Variants in CADM2 observed in about 807,000 individuals in gnomAD.
The protein encoded by CADM2 is cell adhesion molecule 2, also known as immunoglobulin superfamily member 4D.
Under a neutral mutation model 49.8 loss-of-function variants are expected in CADM2, and 12 were observed. The ratio of observed to expected loss-of-function variants is 0.24; its 90% CI spans 0.15 to 0.39. CADM2 has a LOEUF of 0.39. CADM2 is among the 10% of genes least tolerant of loss of function. The pLI is 1.00. For missense variants in CADM2, 378 were observed against 492.3 expected (o/e 0.77, Z 2.20); for synonymous variants, 214 against 175.4 (o/e 1.22, Z -1.74).
chr3:85,834,598 T>C (rs2074324169), intron 3 of CADM2, among the ~76,000 whole-genome samples: 1 of 151,654 alleles, frequency 6.6e-6, no homozygotes, highest in African/African-American at 2.4e-5. Flanking sequence ...CACTTGTTAG[T>C]CCCATAATTT....
rs142062861 is a variant in CADM2, at chr3:85,301,097, G to A, written c.61+341429G>A. On this transcript the variant is annotated intron_variant, in intron 1 of 9. Coordinates refer to ENST00000383699, the MANE Select transcript of CADM2 (RefSeq NM_001167675.2). Reference sequence around the variant, plus strand: ...TAAGCATCTACAATAAGATACAAACGACATTATATGCAAAGTGGATATGGA... The same window carrying A: ...TAAGCATCTACAATAAGATACAAACAACATTATATGCAAAGTGGATATGGA... Among the ~76,000 whole-genome samples, 751 of 152,072 alleles carry A rather than the reference G, an allele frequency of 4.9e-3. 11 individuals carry two copies. The highest frequency in any genetic ancestry group is 0.017 in the African/African-American group (693 of 41,514).
chr3:85,254,564 A>G (rs1442021937), intron 1 of CADM2, among the ~76,000 whole-genome samples: 2 of 152,072 alleles, frequency 1.3e-5, no homozygotes, highest in Non-Finnish European at 2.9e-5. Flanking sequence ...TTAGCCTACA[A>G]ACGACAATCT....
chr3:85,370,079 G>A (rs932604782), intron 1 of CADM2, among the ~76,000 whole-genome samples: 2 of 151,704 alleles, frequency 1.3e-5, no homozygotes, highest in Non-Finnish European at 2.9e-5. Flanking sequence ...TGAGAATAGT[G>A]GCAAGTGCCT....
chr3:85,859,224 C>CTTTTTTTTTTTTTT lies in CADM2; in HGVS notation c.239-24054_239-24041dup, dbSNP rs397990427. On this transcript the variant is annotated intron_variant, in intron 3 of 9. Transcript: ENST00000383699. ...TACCTTGTGCTTTTCTTTTTTTTGT[C>CTTTTTTTTTTTTTT]TTTTTTTTTTTTTTTTTTTTTTTTT... 2.3e-3 allele frequency among the ~76,000 whole-genome samples: 160 copies of CTTTTTTTTTTTTTT among 70,604 alleles called. 14 individuals are homozygous for CTTTTTTTTTTTTTT. Among genetic ancestry groups the CTTTTTTTTTTTTTT allele is most frequent in the Non-Finnish European group, 3.0e-3 (119 of 40,026 alleles). 46.3% of individuals were successfully genotyped at this position (70,604 alleles called of 152,430 possible). A position where few individuals can be genotyped will look rare whatever the true frequency, so the allele number is the denominator to read the frequency against.
At chr3:85,277,960 C>G (rs549596644) in intron 1 of CADM2, among the ~76,000 whole-genome samples, 12 of 151,288 alleles carry the variant, frequency 7.9e-5, no homozygotes, top group Admixed American at 2.0e-4. Context: ...TGACTGCTTT[C>G]TGACCACATG....
At chr3:85,716,959 G>A in intron 1 of CADM2, among the ~76,000 whole-genome samples, 1 of 152,048 alleles carries the variant, frequency 6.6e-6, no homozygotes, top group East Asian at 1.9e-4. Flanking sequence ...TTTTTGATTA[G>A]GATTGTCTTG....
chr3:85,718,997 CCA>C (rs1453269135), intron 1 of CADM2, among the ~76,000 whole-genome samples: 1 of 151,378 alleles, frequency 6.6e-6, no homozygotes, highest in African/African-American at 2.4e-5. Context: ...ACTGCAACCT[CCA>C]CTTTTCACAT....
At chr3:85,335,876 T>G (rs890890822) in intron 1 of CADM2, among the ~76,000 whole-genome samples, 1 of 151,378 alleles carries the variant, frequency 6.6e-6, no homozygotes, top group African/African-American at 2.4e-5. Context: ...ACTTTCTGTT[T>G]CCCTAGGCAG....
intron 1 of CADM2, among the ~76,000 whole-genome samples, chr3:85,122,481 A>G (rs187445691): frequency 2.1e-4 from 32 of 152,186 alleles, no homozygotes; most frequent in African/African-American, 7.7e-4. Context: ...TCACTTAAAT[A>G]TTAGGACTGC....
intron 1 of CADM2, among the ~76,000 whole-genome samples, chr3:85,115,780 C>T (rs765881713): frequency 6.6e-6 from 1 of 152,116 alleles, no homozygotes; most frequent in Non-Finnish European, 1.5e-5. Context: ...CTTTTCTTTT[C>T]ATATTAGACA....
At chr3:85,929,295 A>C (rs890268458) in intron 6 of CADM2, among the ~76,000 whole-genome samples, 1 of 152,110 alleles carries the variant, frequency 6.6e-6, no homozygotes, top group African/African-American at 2.4e-5. Context: ...TTTAAGTAAA[A>C]TTTGGTTTAG....
At chr3:85,793,623 A>G (rs535644083) in intron 2 of CADM2, among the ~76,000 whole-genome samples, 5 of 152,300 alleles carry the variant, frequency 3.3e-5, no homozygotes, top group Admixed American at 2.0e-4. Flanking sequence ...GTCACTGAGC[A>G]TGAATTGAGA....
chr3:85,823,436 T>C (rs2073715348), intron 3 of CADM2, among the ~76,000 whole-genome samples: 1 of 152,096 alleles, frequency 6.6e-6, no homozygotes, highest in Non-Finnish European at 1.5e-5. Context: ...CCAATCTACT[T>C]CTAGAAAACA....
chr3:85,233,868 C>T lies in CADM2; in HGVS notation c.61+274200C>T, dbSNP rs544757050. 1.6e-4 allele frequency among the ~76,000 whole-genome samples: 24 copies of T among 152,080 alleles called. No individual in the cohort carries two copies. The South Asian group carries it at 5.0e-3, about 32-fold the overall frequency. On this transcript the variant is annotated intron_variant, in intron 1 of 9. Coordinates refer to ENST00000383699, the MANE Select transcript of CADM2 (RefSeq NM_001167675.2). ...AAAAAAATAGTTCAAAGTATTGATTCATAGTAAAAATCTTTATCCACAAAA... is the reference window on the plus strand; with the variant it reads ...AAAAAAATAGTTCAAAGTATTGATTTATAGTAAAAATCTTTATCCACAAAA...
Position 85,644,154 on chromosome 3 carries a change from G to A in CADM2, c.62-82368G>A, listed in dbSNP as rs554362028. 1.2e-4 allele frequency among the ~76,000 whole-genome samples: 18 copies of A among 152,250 alleles called. 1 individual carries two copies. The highest frequency in any genetic ancestry group is 2.1e-4 in the South Asian group (1 of 4,820). On this transcript the variant is annotated intron_variant, in intron 1 of 9. Coordinates refer to ENST00000383699, the MANE Select transcript of CADM2 (RefSeq NM_001167675.2). ...ATTTCAAGATCAAAGTTTTAGCAGCGTTGGTGTCTGGTGAGGGCTGTCTTC... is the reference window on the plus strand; with the variant it reads ...ATTTCAAGATCAAAGTTTTAGCAGCATTGGTGTCTGGTGAGGGCTGTCTTC...
At chr3:86,066,225 C>T (rs932297698) in intron 9 of CADM2, among the ~76,000 whole-genome samples, 1 of 145,554 alleles carries the variant, frequency 6.9e-6, no homozygotes, top group South Asian at 2.3e-4. Context: ...CCCAGCTACT[C>T]GGGAGGCTGA....
intron 1 of CADM2, among the ~76,000 whole-genome samples, chr3:85,013,576 A>G (rs1487021757): frequency 2.0e-5 from 3 of 151,738 alleles, no homozygotes; most frequent in Non-Finnish European, 4.4e-5. Context: ...GTATTTCATT[A>G]ATGTAGTCAA....
intron 1 of CADM2, among the ~76,000 whole-genome samples, chr3:85,593,423 A>G (rs1183569848): frequency 1.3e-5 from 2 of 152,024 alleles, no homozygotes; most frequent in Non-Finnish European, 2.9e-5. Flanking sequence ...TAAAATGAAC[A>G]GAGTGTATCA....
intron 1 of CADM2, among the ~76,000 whole-genome samples, chr3:85,410,332 G>A (rs1405418977): frequency 6.6e-6 from 1 of 152,100 alleles, no homozygotes; most frequent in East Asian, 1.9e-4. Context: ...TCTAGCATTA[G>A]GGAGACTATT....
Sources: allele counts gnomAD v4.1 joint callset (sites outside exome capture counted in the v4.1 genomes callset), GRCh38; gene constraint gnomAD v4.1.1; transcripts MANE v1.5; gene names NCBI Gene and HGNC (gene_info 2026-07-23, HGNC 2026-07-21).